MGAT4C: variants seen among roughly 807,000 people sequenced by gnomAD.
The protein encoded by MGAT4C is MGAT4 family member C, also known as alpha-1,3-mannosyl-glycoprotein 4-beta-N-acetylglucosaminyltransferase C.
MGAT4C carries 19 observed loss-of-function variants against 40.1 expected under a neutral mutation model. The observed-to-expected ratio is 0.47, with a 90% CI of 0.33 to 0.70. The LOEUF (loss-of-function observed/expected upper bound fraction) is 0.70. Ranked by LOEUF, MGAT4C falls within the 30% of genes least tolerant of loss-of-function variation. The pLI, the probability that MGAT4C is intolerant of heterozygous loss-of-function variation, is 0.02. For synonymous variants in MGAT4C, 181 were observed against 187.1 expected, an observed-to-expected ratio of 0.97 and a Z score of 0.27; for missense variants, 491 against 563.2, an observed-to-expected ratio of 0.87 and a Z score of 1.30.
At chr12:86,191,764 G>GTGTGTGTC (rs1472795024) in intron 1 of MGAT4C, among the ~76,000 whole-genome samples, 15 of 144,308 alleles carry the variant, frequency 1.0e-4, no homozygotes, top group African/African-American at 3.5e-4. Flanking sequence ...GTGTGTGTGT[G>GTGTGTGTC]TGTGTGTGTG....
intron 2 of MGAT4C, among the ~76,000 whole-genome samples, chr12:86,699,386 A>G (rs537405658): frequency 6.6e-6 from 1 of 152,292 alleles, no homozygotes; most frequent in African/African-American, 2.4e-5. Flanking sequence ...ATTTTGATTT[A>G]TTCACATAAT....
intron 2 of MGAT4C, among the ~76,000 whole-genome samples, chr12:86,634,809 C>T (rs1335183040): frequency 2.0e-5 from 3 of 152,070 alleles, no homozygotes; most frequent in Non-Finnish European, 4.4e-5. Flanking sequence ...AAAATAGTCA[C>T]GACAGTGATT....
chr12:86,683,737 T>A (rs1406299398), intron 2 of MGAT4C, among the ~76,000 whole-genome samples: 1 of 152,218 alleles, frequency 6.6e-6, no homozygotes, highest in Non-Finnish European at 1.5e-5. Flanking sequence ...CCACGTTTTT[T>A]TCTCCTAAAG....
At chr12:86,347,059 T>C (rs1955051130) in intron 3 of MGAT4C, among the ~76,000 whole-genome samples, 1 of 152,168 alleles carries the variant, frequency 6.6e-6, no homozygotes, top group Non-Finnish European at 1.5e-5. Flanking sequence ...TCGGCTTCCC[T>C]AGTTTTGAAG....
intron 3 of MGAT4C, among the ~76,000 whole-genome samples, chr12:86,335,026 T>A (rs1162262698): frequency 6.7e-6 from 1 of 149,384 alleles, no homozygotes; most frequent in Non-Finnish European, 1.5e-5. Flanking sequence ...ATTCCCCAGT[T>A]TATTTAAATT....
chr12:86,826,999 G>A (rs1055976507), intron 1 of MGAT4C, among the ~76,000 whole-genome samples: 1 of 151,108 alleles, frequency 6.6e-6, no homozygotes, highest in African/African-American at 2.4e-5. Context: ...GAAATAACAT[G>A]GTACTTAATT....
intron 1 of MGAT4C, among the ~76,000 whole-genome samples, chr12:86,206,008 G>T (rs948332317): frequency 6.6e-6 from 1 of 151,938 alleles, no homozygotes; most frequent in African/African-American, 2.4e-5. Flanking sequence ...ATGTGGGCAG[G>T]TCTGTGGGGG....
chr12:86,489,145 A>T (rs1054463814), intron 2 of MGAT4C, among the ~76,000 whole-genome samples: 2 of 152,150 alleles, frequency 1.3e-5, no homozygotes, highest in African/African-American at 4.8e-5. Flanking sequence ...GGACAGAAGC[A>T]GCTGGATATC....
chr12:86,238,307 T>A (rs569720147), intron 1 of MGAT4C, among the ~76,000 whole-genome samples: 3 of 152,100 alleles, frequency 2.0e-5, no homozygotes, highest in East Asian at 3.9e-4. Flanking sequence ...ATGATAAAAA[T>A]AATTTACTTG....
intron 1 of MGAT4C, among the ~76,000 whole-genome samples, chr12:86,080,585 G>A (rs1317320593): frequency 6.6e-6 from 1 of 152,046 alleles, no homozygotes; most frequent in Non-Finnish European, 1.5e-5. Context: ...ACACACGCTT[G>A]TGCACACACA....
chr12:86,299,501 G>A (rs1395654187), intron 4 of MGAT4C, among the ~76,000 whole-genome samples: 2 of 152,142 alleles, frequency 1.3e-5, no homozygotes, highest in African/African-American at 4.8e-5. Flanking sequence ...AATGAAGAGA[G>A]CTTGTTTGTC....
At chr12:86,450,161 C>T (rs569349603) in intron 2 of MGAT4C, among the ~76,000 whole-genome samples, 2 of 152,200 alleles carry the variant, frequency 1.3e-5, no homozygotes, top group Admixed American at 1.3e-4. Context: ...TCAGTTTCCA[C>T]ATTCACTGAG....
At chr12:86,139,533 CA>C (rs1164247573) in intron 1 of MGAT4C, among the ~76,000 whole-genome samples, 2 of 151,750 alleles carry the variant, frequency 1.3e-5, no homozygotes, top group Non-Finnish European at 2.9e-5. Context: ...TATAATATTT[CA>C]TTATATAAGT....
intron 1 of MGAT4C, among the ~76,000 whole-genome samples, chr12:86,770,000 C>T (rs1565978302): frequency 6.6e-6 from 1 of 151,730 alleles, no homozygotes; most frequent in Non-Finnish European, 1.5e-5. Flanking sequence ...TACCCTAAAA[C>T]TGAAAGTATA....
chr12:86,577,604 G>A (rs1960615595), intron 2 of MGAT4C, among the ~76,000 whole-genome samples: 1 of 151,684 alleles, frequency 6.6e-6, no homozygotes, highest in Non-Finnish European at 1.5e-5. Flanking sequence ...ATTAGCATAT[G>A]TTCAGCCATC....
intron 2 of MGAT4C, among the ~76,000 whole-genome samples, chr12:86,705,859 A>G (rs1321082806): frequency 2.0e-5 from 3 of 152,190 alleles, no homozygotes; most frequent in Non-Finnish European, 4.4e-5. Context: ...TATGTGAGCT[A>G]TTATATCCTT....
intron 3 of MGAT4C, among the ~76,000 whole-genome samples, chr12:86,339,908 A>G (rs1395415163): frequency 6.6e-6 from 1 of 152,198 alleles, no homozygotes; most frequent in East Asian, 1.9e-4. Context: ...TCTAGGCTAC[A>G]GTACATAGAG....
intron 2 of MGAT4C, among the ~76,000 whole-genome samples, chr12:86,530,236 C>T (rs1362978697): frequency 6.6e-6 from 1 of 151,874 alleles, no homozygotes; most frequent in African/African-American, 2.4e-5. Flanking sequence ...CCCTTATAAT[C>T]CTTGGCATTA....
intron 1 of MGAT4C, among the ~76,000 whole-genome samples, chr12:86,131,567 C>T (rs1881186257): frequency 1.3e-5 from 2 of 151,922 alleles, no homozygotes; most frequent in South Asian, 2.1e-4. Flanking sequence ...TTTCAATAGA[C>T]ATTATTTTTC....
Sources: allele counts gnomAD v4.1 joint callset (sites outside exome capture counted in the v4.1 genomes callset), GRCh38; gene constraint gnomAD v4.1.1; transcripts MANE v1.5; gene names NCBI Gene and HGNC (gene_info 2026-07-23, HGNC 2026-07-21).